Variants in AKNAD1 observed in about 807,000 individuals in gnomAD.
AKNAD1 encodes the protein protein AKNAD1.
AKNAD1 carries 67 observed loss-of-function variants against 90.8 expected under a neutral mutation model. The observed-to-expected ratio is 0.74, with a 90% CI of 0.61 to 0.90. AKNAD1 has a LOEUF of 0.90. Ranked by LOEUF, AKNAD1 falls within the 40% of genes least tolerant of loss-of-function variation. The pLI is 0.00. For synonymous variants in AKNAD1, 327 were observed against 341.4 expected, an observed-to-expected ratio of 0.96 and a Z score of 0.46; for missense variants, 957 against 975.4, an observed-to-expected ratio of 0.98 and a Z score of 0.25.
intron 7 of AKNAD1, chr1:108,836,815 A>C (rs1002079137): frequency 2.0e-5 from 3 of 152,256 alleles, no homozygotes; most frequent in Admixed American, 6.5e-5. Context: ...AAAGGCAAAA[A>C]GTATAGAAAG....
At chr1:108,839,926 G>A (rs930183587) in intron 6 of AKNAD1, among the ~76,000 whole-genome samples, 1 of 152,006 alleles carries the variant, frequency 6.6e-6, no homozygotes, top group African/African-American at 2.4e-5. Flanking sequence ...TCAGGAGGCT[G>A]AGGTGGGAGG....
intron 11 of AKNAD1, among the ~76,000 whole-genome samples, chr1:108,824,252 G>A (rs142724455): frequency 7.9e-5 from 12 of 152,284 alleles, no homozygotes; most frequent in East Asian, 3.9e-4. Context: ...GGCTGTGGAC[G>A]GAACAGCACT....
intron 9 of AKNAD1, 76 bp downstream of exon 9, chr1:108,834,371 C>T (rs1664307798): frequency 1.6e-6 from 2 of 1,251,174 alleles, no homozygotes; most frequent in African/African-American, 1.5e-5. Context: ...TTCACAGTCA[C>T]ATTCAGCAAC....
At chr1:108,826,736 C>CTTTTTTTTTTTT (rs1450499628) in intron 11 of AKNAD1, among the ~76,000 whole-genome samples, 1 of 114,796 alleles carries the variant, frequency 8.7e-6, no homozygotes, top group Non-Finnish European at 1.8e-5. Flanking sequence ...CTTTTCTTTT[C>CTTTTTTTTTTTT]TTTTTCTTTT....
Position 108,849,530 on chromosome 1 carries a change from T to G in AKNAD1, c.1033+7A>C, listed in dbSNP as rs1236550451. The G allele has an allele frequency of 6.4e-7, 1 of 1,552,378 alleles. No homozygotes were observed. On this transcript the variant is annotated splice_region_variant and intron_variant, in intron 3 of 15. Transcript: ENST00000370001. ...TATATCTCAAAGAAGTTTTAAAACA[T>G]TAGTACCTGTGAGAAGTTCTTGGTG...
intron 10 of AKNAD1, among the ~76,000 whole-genome samples, chr1:108,829,571 T>G (rs1477727799): frequency 6.6e-6 from 1 of 152,104 alleles, no homozygotes; most frequent in Non-Finnish European, 1.5e-5. Context: ...GACATGGTGG[T>G]TTAATGACCC....
At chr1:108,835,219 T>C (rs1204302670) in intron 7 of AKNAD1, among the ~76,000 whole-genome samples, 163 bp from the exon 8 acceptor site, 2 of 152,118 alleles carry the variant, frequency 1.3e-5, no homozygotes, top group African/African-American at 2.4e-5. Flanking sequence ...TGTCTTCTCA[T>C]CCTCCAAGAC....
chr1:108,855,941 A>T lies in AKNAD1; in HGVS notation c.-104+988T>A, dbSNP rs528762325. On this transcript the variant is annotated intron_variant, in intron 1 of 15. Transcript: ENST00000370001. Reference sequence around the variant, plus strand: ...ACCCAGGCTGGAGTGTAGTGACAACACCATGGCTCAACTGATCTTCCTCCC... The same window carrying T: ...ACCCAGGCTGGAGTGTAGTGACAACTCCATGGCTCAACTGATCTTCCTCCC... Among the ~76,000 whole-genome samples, 3 of 149,562 alleles carry T rather than the reference A, an allele frequency of 2.0e-5. No homozygotes were observed. The South Asian group carries it at 6.3e-4, about 32-fold the overall frequency.
At position 108,819,594 on chromosome 1, in the gene AKNAD1, A is replaced by T. The variant is rs144636717; in HGVS notation, c.2249+951T>A. 7.1e-4 allele frequency among the ~76,000 whole-genome samples: 108 copies of T among 151,648 alleles called. No individual in the cohort carries two copies. In the East Asian group the frequency reaches 0.018, roughly 25 times the overall value. Reference sequence around the variant, plus strand: ...AAGATTGCACTCCAGCCTGGGCAACAAAGCAAGACCCTGCCTCAAAAAAAA... The same window carrying T: ...AAGATTGCACTCCAGCCTGGGCAACTAAGCAAGACCCTGCCTCAAAAAAAA... On this transcript the variant is annotated intron_variant, in intron 14 of 15. Transcript: ENST00000370001.
chr1:108,817,802 G>C (rs1663668058), intron 14 of AKNAD1, among the ~76,000 whole-genome samples: 1 of 148,502 alleles, frequency 6.7e-6, no homozygotes, highest in East Asian at 2.1e-4. Flanking sequence ...ACCGCGTCCG[G>C]CCTTTTGGGG....
Position 108,823,705 on chromosome 1 carries a change from T to G in AKNAD1, c.1937-17A>C. The G allele has an allele frequency of 6.2e-7, 1 of 1,614,002 alleles. No individual in the cohort carries two copies. Among genetic ancestry groups the G allele is most frequent in the African/African-American group, 1.3e-5 (1 of 75,024 alleles). The stretch of plus-strand genomic sequence containing the variant: ...TATCAGAATCTGAAAAAGCCCAAGT[T>G]GCATGAATGAAGGGTAAGTGTCTTG... On this transcript the variant is annotated splice_polypyrimidine_tract_variant and intron_variant, in intron 11 of 15. Transcript: ENST00000370001.
At position 108,817,352 on chromosome 1, in the gene AKNAD1, A is replaced by C. The variant is rs192182690; in HGVS notation, c.2250-175T>G. 17 of 667,250 alleles carry C rather than the reference A, an allele frequency of 2.5e-5. No homozygotes were observed. The Admixed American group carries it at 5.5e-4, about 22-fold the overall frequency. 41.3% of individuals were successfully genotyped at this position (667,250 alleles called of 1,614,324 possible). A position where few individuals can be genotyped will look rare whatever the true frequency, so the allele number is the denominator to read the frequency against. On this transcript the variant is annotated intron_variant, in intron 14 of 15. Coordinates refer to ENST00000370001, the MANE Select transcript of AKNAD1 (RefSeq NM_152763.5). ...ATGTGGCTGACCGCAGCTGGGCTTC[A>C]GAAAATGGTTGTTGCCATGACCATG... is the stretch of plus-strand genomic sequence containing the variant.
chr1:108,849,664 T>C, intron 2 of AKNAD1, 88 bp from the exon 3 acceptor site: 1 of 964,454 alleles, frequency 1.0e-6, no homozygotes, highest in Admixed American at 1.9e-5. Context: ...TCTGTCATCA[T>C]AGAGGGAGCC....
Position 108,852,386 on chromosome 1 carries a change from T to C in AKNAD1, c.279A>G (p.Ala93=), listed in dbSNP as rs1300559775. Residue 93 remains alanine, a synonymous_variant, in exon 2 of 16, where the codon GCA becomes GCG. Transcript: ENST00000370001. ...CTTCATTTGCTGGAATATGAAGAGC[T>C]GCAGTGCATTGTTTCTCTTTCTCGT... ...KKDEKEKQCT[A]ALHIPANEGD... The C allele has an allele frequency of 6.2e-7, 1 of 1,614,078 alleles. No homozygotes were observed. Among genetic ancestry groups the C allele is most frequent in the East Asian group, 2.2e-5 (1 of 44,884 alleles).
At chr1:108,830,775 C>T in intron 9 of AKNAD1, 125 bp from the exon 10 acceptor site, 1 of 805,460 alleles carries the variant, frequency 1.2e-6, no homozygotes, top group Non-Finnish European at 2.1e-6. Flanking sequence ...GAGAGACTCG[C>T]CAAACCTCTC....
intron 10 of AKNAD1, among the ~76,000 whole-genome samples, chr1:108,830,034 T>G (rs1249377130): frequency 2.0e-5 from 3 of 152,190 alleles, no homozygotes; most frequent in Non-Finnish European, 4.4e-5. Flanking sequence ...AAATCAGCCC[T>G]GAGAAGAGGG....
At chr1:108,846,066 A>G (rs1664691764) in intron 5 of AKNAD1, among the ~76,000 whole-genome samples, 1 of 152,226 alleles carries the variant, frequency 6.6e-6, no homozygotes. Context: ...AACAACTCTG[A>G]AAGGGAAGAC....
At chr1:108,843,673 A>G (rs1270989156) in intron 5 of AKNAD1, among the ~76,000 whole-genome samples, 1 of 152,174 alleles carries the variant, frequency 6.6e-6, no homozygotes, top group Non-Finnish European at 1.5e-5. Context: ...TTATTATCCC[A>G]CTTTTACAAA....
chr1:108,833,863 C>T (rs2101185047), intron 9 of AKNAD1, among the ~76,000 whole-genome samples: 1 of 152,142 alleles, frequency 6.6e-6, no homozygotes, highest in Non-Finnish European at 1.5e-5. Flanking sequence ...CATCACCTAT[C>T]ATTTACCCTG....
Sources: gnomAD v4.1 joint callset for allele counts (sites outside exome capture counted in the v4.1 genomes callset) on GRCh38, gnomAD v4.1.1 for gene constraint, MANE v1.5 for transcripts, NCBI Gene and HGNC (gene_info 2026-07-23, HGNC 2026-07-21) for gene names.